LRRC7: variants seen among roughly 807,000 people sequenced by gnomAD.
LRRC7 encodes leucine rich repeat containing 7.
In LRRC7, 23 loss-of-function variants were observed where a neutral mutation model predicts 175.7. That is an observed-to-expected ratio of 0.13 (90% CI 0.09 to 0.19). LRRC7 has a LOEUF of 0.19. Ranked by LOEUF, LRRC7 falls within the 10% of genes least tolerant of loss-of-function variation. LRRC7 has a pLI of 1.00. For missense variants in LRRC7, 1,354 were observed against 1,904.7 expected, an observed-to-expected ratio of 0.71 and a Z score of 5.38; for synonymous variants, 685 against 680.9, an observed-to-expected ratio of 1.01 and a Z score of -0.09.
chr1:69,823,149 G>A (rs997611271), intron 4 of LRRC7, among the ~76,000 whole-genome samples: 3 of 152,110 alleles, frequency 2.0e-5, no homozygotes, highest in African/African-American at 7.2e-5. Context: ...TTCCTTGAAT[G>A]AGTGAGCTTT....
intron 1 of LRRC7, among the ~76,000 whole-genome samples, chr1:69,656,335 GTAA>G (rs963252960): frequency 6.6e-6 from 1 of 151,890 alleles, no homozygotes; most frequent in South Asian, 2.1e-4. Context: ...ACTGGCTTCT[GTAA>G]TAATAATAAG....
chr1:69,577,571 G>A (rs1646006448), intron 1 of LRRC7, among the ~76,000 whole-genome samples: 1 of 152,114 alleles, frequency 6.6e-6, no homozygotes, highest in Non-Finnish European at 1.5e-5. Flanking sequence ...GTGTAAGGAA[G>A]GGATCCAGTT....
intron 1 of LRRC7, among the ~76,000 whole-genome samples, chr1:69,620,562 G>T (rs892988672): frequency 6.6e-6 from 1 of 152,218 alleles, no homozygotes; most frequent in South Asian, 2.1e-4. Flanking sequence ...CAGCTACATC[G>T]TGCTGCAAGG....
chr1:69,834,124 G>T (rs1041641458), intron 5 of LRRC7, among the ~76,000 whole-genome samples: 3 of 151,692 alleles, frequency 2.0e-5, no homozygotes, highest in Non-Finnish European at 4.4e-5. Flanking sequence ...CTCCCCAAAG[G>T]TTATTTTCTT....
In LRRC7 at chr1:69,894,013, A is replaced by G. The variant is rs138044494; in HGVS notation, c.648-37494A>G. Among the ~76,000 whole-genome samples, 333 of 152,320 alleles carry G rather than the reference A, an allele frequency of 2.2e-3. 4 individuals carry two copies. The highest frequency in any genetic ancestry group is 6.2e-4 in the Non-Finnish European group (42 of 68,030). On this transcript the variant is annotated intron_variant, in intron 7 of 26. Transcript: ENST00000651989. ...AGGTTTGAGCAATAGAGCAGAGCCT[A>G]TTCAAGAGTGGTTTTATATTCCAGT...
At position 69,951,731 on chromosome 1, in the gene LRRC7, TA is replaced by T. The variant is rs370209791; in HGVS notation, c.711+20164del. Among the ~76,000 whole-genome samples, 92 of 152,132 alleles carry T rather than the reference TA, an allele frequency of 6.0e-4. 1 individual carries two copies. Among genetic ancestry groups the T allele is most frequent in the African/African-American group, 2.0e-3 (83 of 41,526 alleles). On this transcript the variant is annotated intron_variant, in intron 8 of 26. Transcript: ENST00000651989. Reference sequence around the variant, plus strand: ...CATGTTCTCACTTAAAAGTGGGAGCTAAATAATGAGAACTTATGAACACAGA... The same window carrying T: ...CATGTTCTCACTTAAAAGTGGGAGCTAATAATGAGAACTTATGAACACAGA...
chr1:70,089,713 T>A lies in LRRC7; in HGVS notation c.4453-14T>A. ...ATAACTGTTTACTTACCATTTTATA[T>A]CTTTTTTACATAGTTTTGTGTGAGA... On this transcript the variant is annotated splice_polypyrimidine_tract_variant and intron_variant, in intron 24 of 26. Coordinates refer to ENST00000651989, the MANE Select transcript of LRRC7 (RefSeq NM_001370785.2). 1.3e-6 allele frequency: 2 copies of A among 1,541,964 alleles called. No individual in the cohort carries two copies. The highest frequency in any genetic ancestry group is 1.4e-5 in the African/African-American group (1 of 72,804).
intron 4 of LRRC7, among the ~76,000 whole-genome samples, chr1:69,825,532 T>C (rs1035041529): frequency 6.6e-6 from 1 of 151,998 alleles, no homozygotes; most frequent in African/African-American, 2.4e-5. Context: ...TATTATAAAA[T>C]ATTATTTAAC....
intron 23 of LRRC7, among the ~76,000 whole-genome samples, chr1:70,058,018 T>G (rs2102074886): frequency 6.6e-6 from 1 of 151,872 alleles, no homozygotes; most frequent in Admixed American, 6.5e-5. Flanking sequence ...CACAATTTTT[T>G]TTTTTTTTTT....
At chr1:69,675,844 G>A (rs1197096079) in intron 1 of LRRC7, among the ~76,000 whole-genome samples, 1 of 151,972 alleles carries the variant, frequency 6.6e-6, no homozygotes, top group African/African-American at 2.4e-5. Flanking sequence ...AATTCTTCAA[G>A]TTTCCACTTG....
chr1:69,851,752 G>A (rs777528413), intron 7 of LRRC7, among the ~76,000 whole-genome samples: 9 of 152,204 alleles, frequency 5.9e-5, no homozygotes, highest in African/African-American at 7.2e-5. Context: ...ATCTTCTGGC[G>A]GTGTTGACCA....
intron 7 of LRRC7, among the ~76,000 whole-genome samples, chr1:69,881,564 A>C (rs1686603072): frequency 6.6e-6 from 1 of 152,204 alleles, no homozygotes; most frequent in South Asian, 2.1e-4. Context: ...GTTTTTACAC[A>C]GCAAATGAAA....
chr1:70,111,579 A>G (rs915862334), intron 26 of LRRC7, among the ~76,000 whole-genome samples: 1 of 152,182 alleles, frequency 6.6e-6, no homozygotes, highest in Non-Finnish European at 1.5e-5. Context: ...TCTTTTTTCT[A>G]ATGTTCTTTC....
In LRRC7 at chr1:69,973,070, C is replaced by CAT. The variant is rs1163646312; in HGVS notation, c.712-7295_712-7294dup. 2.0e-3 allele frequency among the ~76,000 whole-genome samples: 285 copies of CAT among 139,982 alleles called. 1 individual carries two copies. The highest frequency in any genetic ancestry group is 6.1e-3 in the African/African-American group (232 of 38,204). 91.8% of individuals were successfully genotyped at this position (139,982 alleles called of 152,430 possible). A position where few individuals can be genotyped will look rare whatever the true frequency, so the allele number is the denominator to read the frequency against. On this transcript the variant is annotated intron_variant, in intron 8 of 26. Coordinates refer to ENST00000651989, the MANE Select transcript of LRRC7 (RefSeq NM_001370785.2). ...ATATAATACTATATATATAAAGTAC[C>CAT]ATATATATATATATAAAAAAATACT...
intron 1 of LRRC7, among the ~76,000 whole-genome samples, chr1:69,654,329 C>T (rs61782250): frequency 0.069 from 10,524 of 151,970 alleles, 474 homozygotes; most frequent in African/African-American, 0.12. Flanking sequence ...GGAAACTATA[C>T]GTATAAAATG....
chr1:69,936,744 C>T (rs1395585724), intron 8 of LRRC7, among the ~76,000 whole-genome samples: 2 of 152,018 alleles, frequency 1.3e-5, no homozygotes, highest in African/African-American at 4.8e-5. Flanking sequence ...GGTAGGACCC[C>T]AGTATCTATT....
In LRRC7 at chr1:70,039,070, C is replaced by T. The variant is rs533461196; in HGVS notation, c.3246C>T (p.Ala1082=). 8.4e-5 allele frequency: 135 copies of T among 1,613,858 alleles called. 4 individuals are homozygous for T. Among genetic ancestry groups the T allele is most frequent in the South Asian group, 3.2e-4 (29 of 91,068 alleles). Residue 1082 remains alanine (A), a synonymous_variant, in exon 21 of 27, where the codon GCC becomes GCT. Coordinates refer to ENST00000651989, the MANE Select transcript of LRRC7 (RefSeq NM_001370785.2). ...FNPQGSVEVK[A]EKRIPPPFQH... is the part of the protein sequence containing the mutation. ...CTCAAGGATCAGTGGAAGTGAAAGC[C>T]GAAAAGAGGATACCACCCCCTTTTC...
At chr1:69,585,631 C>G (rs892909158) in intron 1 of LRRC7, among the ~76,000 whole-genome samples, 2 of 151,890 alleles carry the variant, frequency 1.3e-5, no homozygotes, top group African/African-American at 4.8e-5. Context: ...TCTATGATAC[C>G]AATACTAATT....
chr1:69,574,563 A>G (rs534625992), intron 1 of LRRC7, among the ~76,000 whole-genome samples: 1 of 152,308 alleles, frequency 6.6e-6, no homozygotes, highest in South Asian at 2.1e-4. Flanking sequence ...AAAGGTAGGT[A>G]ATGGACACAA....
Sources: allele counts gnomAD v4.1 joint callset (sites outside exome capture counted in the v4.1 genomes callset), GRCh38; gene constraint gnomAD v4.1.1; transcripts MANE v1.5; gene names NCBI Gene and HGNC (gene_info 2026-07-23, HGNC 2026-07-21).